Variants in SMAD3 observed in about 807,000 individuals in gnomAD.
SMAD3 encodes MAD homolog 3.
SMAD3 carries 12 observed loss-of-function variants against 51.8 expected under a neutral mutation model. That is an observed-to-expected ratio of 0.23 (90% CI 0.15 to 0.38). The LOEUF is 0.38. SMAD3 is among the 10% of genes least tolerant of loss of function. SMAD3 has a pLI of 1.00. For synonymous variants in SMAD3, 238 were observed against 227.7 expected (o/e 1.05, Z -0.41); for missense variants, 294 against 565.6 (o/e 0.52, Z 4.87).
chr15:67,170,514 G>C, intron 4 of SMAD3, 40 bp from the exon 5 acceptor site: 1 of 1,586,038 alleles, frequency 6.3e-7, no homozygotes, highest in Non-Finnish European at 8.7e-7. Context: ...TCCAGGCCAA[G>C]AATCTTTTGT....
At chr15:67,119,700 C>G (rs11637580) in intron 1 of SMAD3, among the ~76,000 whole-genome samples, 28,469 of 152,182 alleles carry the variant, frequency 0.19, 3,401 homozygotes, top group Non-Finnish European at 0.28. Context: ...TAGAATTGCC[C>G]AAGAGAGCTT....
At chr15:67,139,291 G>T (rs1185660786) in intron 1 of SMAD3, among the ~76,000 whole-genome samples, 1 of 152,088 alleles carries the variant, frequency 6.6e-6, no homozygotes, top group African/African-American at 2.4e-5. Context: ...GTGATATCTC[G>T]TTGCGTCAGG....
chr15:67,182,059 T>C (rs550510437), intron 6 of SMAD3, among the ~76,000 whole-genome samples: 1 of 152,324 alleles, frequency 6.6e-6, no homozygotes, highest in South Asian at 2.1e-4. Flanking sequence ...AGTGCTGGGA[T>C]TACAGGCGTG....
chr15:67,150,144 G>A (rs897097185), intron 1 of SMAD3, among the ~76,000 whole-genome samples: 1 of 152,260 alleles, frequency 6.6e-6, no homozygotes, highest in Non-Finnish European at 1.5e-5. Flanking sequence ...TCACTGGAGT[G>A]AGCGCTTGTC....
rs1445725999 is a variant in SMAD3 at position 67,193,692 on chromosome 15, GT to G, written c.*3157del. The G allele has an allele frequency of 4.3e-6, 1 of 231,874 alleles. No homozygotes were observed. The highest frequency in any genetic ancestry group is 8.5e-6 in the Non-Finnish European group (1 of 117,300). The allele number at this position is 231,874 out of a possible 1,614,324, so 14.4% of individuals were successfully genotyped here. A position where few individuals can be genotyped will look rare whatever the true frequency, so the allele number is the denominator to read the frequency against. ...CCATTGTCCTTATGTTGTCTGTGTT[GT>G]ATTTTTTTTTTTTTATTGACCATGG... On this transcript the variant is annotated 3_prime_UTR_variant, in exon 9 of 9. Coordinates refer to ENST00000327367, the MANE Select transcript of SMAD3 (RefSeq NM_005902.4).
At chr15:67,161,551 A>G (rs16950679) in intron 1 of SMAD3, among the ~76,000 whole-genome samples, 3,153 of 152,206 alleles carry the variant, frequency 0.021, 91 homozygotes, top group Admixed American at 0.075. Context: ...ACCGAAGAGC[A>G]AATACGGCCA....
At chr15:67,126,065 C>T in intron 1 of SMAD3, 6 of 659,032 alleles carry the variant, frequency 9.1e-6, no homozygotes, top group Non-Finnish European at 1.1e-5. Context: ...GCTCGACACA[C>T]ACTCCCTGAG....
intron 1 of SMAD3, among the ~76,000 whole-genome samples, chr15:67,113,054 C>A: frequency 1.3e-5 from 1 of 76,310 alleles, no homozygotes; most frequent in South Asian, 6.3e-4. Context: ...TATTAATCAA[C>A]TTTTAAAATA....
intron 1 of SMAD3, among the ~76,000 whole-genome samples, chr15:67,072,232 A>G (rs1182782797): frequency 6.6e-6 from 1 of 152,240 alleles, no homozygotes; most frequent in East Asian, 1.9e-4. Context: ...CTGAGCGACC[A>G]TTAATTTTTA....
chr15:67,111,499 G>A (rs966200013), intron 1 of SMAD3, among the ~76,000 whole-genome samples: 3 of 152,154 alleles, frequency 2.0e-5, no homozygotes, highest in Non-Finnish European at 4.4e-5. Flanking sequence ...TTTATCTTGA[G>A]TAGATACCTA....
At chr15:67,109,341 G>T (rs949048291) in intron 1 of SMAD3, among the ~76,000 whole-genome samples, 1 of 152,204 alleles carries the variant, frequency 6.6e-6, no homozygotes, top group East Asian at 1.9e-4. Flanking sequence ...GGGTGACCTT[G>T]TGCAAGTCAC....
At chr15:67,125,918 A>C (rs1961374660) in intron 1 of SMAD3, 1 of 985,324 alleles carries the variant, frequency 1.0e-6, no homozygotes, top group South Asian at 4.7e-5. Context: ...AGGATGCGAC[A>C]TTCCCACAGG....
intron 1 of SMAD3, chr15:67,125,767 A>G (rs1275456723): frequency 2.4e-5 from 24 of 985,576 alleles, no homozygotes; most frequent in Non-Finnish European, 2.9e-5. Flanking sequence ...CCTGCTGCTG[A>G]GTTCACTGGT....
intron 1 of SMAD3, among the ~76,000 whole-genome samples, chr15:67,093,702 C>T (rs1294737057): frequency 2.0e-5 from 3 of 152,172 alleles, no homozygotes; most frequent in East Asian, 1.9e-4. Context: ...GGAACTGGGT[C>T]GGGGTGCCTG....
intron 1 of SMAD3, among the ~76,000 whole-genome samples, chr15:67,112,248 C>T (rs1431470026): frequency 6.6e-6 from 1 of 150,470 alleles, no homozygotes; most frequent in Non-Finnish European, 1.5e-5. Flanking sequence ...CACCTAGGTT[C>T]AAGCAATTCT....
rs1240574502 is a variant in SMAD3 at position 67,191,954 on chromosome 15, G to A, written c.*1418G>A. On this transcript the variant is annotated 3_prime_UTR_variant, in exon 9 of 9. Coordinates refer to ENST00000327367, the MANE Select transcript of SMAD3 (RefSeq NM_005902.4). ...TTTCAACTGGAAAAAAGAAAAAAGA[G>A]TCCTCTTCTTTTCCCAGCCTTTTGC... 1 of 229,134 alleles carries A rather than the reference G, an allele frequency of 4.4e-6. No homozygotes were observed. Among genetic ancestry groups the A allele is most frequent in the Non-Finnish European group, 8.7e-6 (1 of 115,196 alleles). 14.2% of individuals were successfully genotyped at this position (229,134 alleles called of 1,614,324 possible).
chr15:67,147,355 C>G (rs1235239994), intron 1 of SMAD3, among the ~76,000 whole-genome samples: 1 of 152,336 alleles, frequency 6.6e-6, no homozygotes, highest in South Asian at 2.1e-4. Flanking sequence ...ATGGAAGCTC[C>G]TGCCCTTTAT....
chr15:67,189,672 C>T (rs542001856), intron 8 of SMAD3, among the ~76,000 whole-genome samples: 1 of 152,320 alleles, frequency 6.6e-6, no homozygotes, highest in Non-Finnish European at 1.5e-5. Flanking sequence ...CACCTCTCAC[C>T]TCCAGCTGGC....
chr15:67,128,866 C>T (rs766862635), intron 1 of SMAD3, among the ~76,000 whole-genome samples: 9 of 152,216 alleles, frequency 5.9e-5, no homozygotes, highest in Non-Finnish European at 1.0e-4. Flanking sequence ...TGAGCCACCA[C>T]GCTCAGCCTT....
Sources: gnomAD v4.1 joint callset for allele counts (sites outside exome capture counted in the v4.1 genomes callset) on GRCh38, gnomAD v4.1.1 for gene constraint, MANE v1.5 for transcripts, NCBI Gene and HGNC (gene_info 2026-07-23, HGNC 2026-07-21) for gene names.